VPS13C: variants seen among roughly 807,000 people sequenced by gnomAD.
VPS13C encodes the protein vacuolar protein sorting 13 homolog C.
In VPS13C, 358 loss-of-function variants were observed where a neutral mutation model predicts 456.8. The ratio of observed to expected loss-of-function variants is 0.78; its 90% CI spans 0.72 to 0.86. The LOEUF (loss-of-function observed/expected upper bound fraction) is 0.86. VPS13C is among the 40% of genes least tolerant of loss of function. The probability of loss-of-function intolerance (pLI) is 0.00; values close to 1 mark genes in which losing one functional copy is unlikely to be tolerated. For missense variants in VPS13C, 4,818 were observed against 4,385.4 expected, an observed-to-expected ratio of 1.10 and a Z score of -2.79; for synonymous variants, 1,578 against 1,486.7, an observed-to-expected ratio of 1.06 and a Z score of -1.41.
At chr15:61,981,300 C>A in intron 22 of VPS13C, 42 bp downstream of exon 22, 4 of 1,532,680 alleles carry the variant, frequency 2.6e-6, no homozygotes, top group South Asian at 1.3e-5. Context: ...AGCTAGCAAG[C>A]AGGTCAAAGA....
chr15:61,884,387 G>T, intron 67 of VPS13C, 118 bp from the exon 68 acceptor site: 1 of 1,092,962 alleles, frequency 9.1e-7, no homozygotes, highest in Non-Finnish European at 1.3e-6. Flanking sequence ...TGGTATAAGG[G>T]ACTTCTTAAA....
chr15:62,010,669 G>A, intron 12 of VPS13C, 70 bp from the exon 13 acceptor site: 2 of 1,391,170 alleles, frequency 1.4e-6, no homozygotes, highest in African/African-American at 1.5e-5. Context: ...AAATAATTAT[G>A]AGAACACTGT....
intron 1 of VPS13C, among the ~76,000 whole-genome samples, chr15:62,047,379 G>A (rs139690034): frequency 0.012 from 1,814 of 151,806 alleles, 39 homozygotes; most frequent in African/African-American, 0.042. Flanking sequence ...CAGAGGTTGC[G>A]GTGAGCTGAG....
chr15:62,014,636 A>G (rs1451064502), intron 9 of VPS13C, among the ~76,000 whole-genome samples: 2 of 152,192 alleles, frequency 1.3e-5, no homozygotes, highest in Admixed American at 6.6e-5. Flanking sequence ...TGTAGTTGTT[A>G]TAATAGCCAC....
chr15:61,881,967 T>C (rs1442656544), intron 69 of VPS13C, 139 bp from the exon 70 acceptor site: 1 of 770,550 alleles, frequency 1.3e-6, no homozygotes, highest in Non-Finnish European at 2.0e-6. Context: ...AGAAGTTTCA[T>C]TTTAAATCTG....
intron 20 of VPS13C, among the ~76,000 whole-genome samples, chr15:61,983,153 A>G (rs148154192): frequency 1.7e-3 from 254 of 152,266 alleles, no homozygotes; most frequent in African/African-American, 5.6e-3. Flanking sequence ...AAATATAAGG[A>G]GTTCTGCAGT....
chr15:62,004,318 G>A (rs1398995712), intron 15 of VPS13C, among the ~76,000 whole-genome samples: 1 of 151,882 alleles, frequency 6.6e-6, no homozygotes, highest in African/African-American at 2.4e-5. Flanking sequence ...AGAGGTGTTT[G>A]TAGTATTCTC....
Position 61,991,050 on chromosome 15 carries a change from T to A in VPS13C, c.1528A>T (p.Thr510Ser), listed in dbSNP as rs376533263. ...GTACTCTCACTATAACCAATGGCAG[T>A]GAAGAGTTTATCTTTTTCCTCTGGA... is the stretch of plus-strand genomic sequence containing the variant. The part of the protein sequence containing the change: ...MTPEEKDKLF[T>S]AIGYSESTHN... The change falls in exon 18 of 85, where the codon ACT (threonine) becomes TCT (serine). Residue 510 changes from threonine (T) to serine (S), a missense_variant. Thr to Ser is a moderately conservative substitution (Grantham distance 58, BLOSUM62 1). This residue lies in a region of VPS13C where 4,552 missense variants were observed against 4,130.6 expected (regional missense o/e 1.10). Transcript: ENST00000644861. 3.5e-5 allele frequency: 57 copies of A among 1,612,566 alleles called. No homozygotes were observed. The highest frequency in any genetic ancestry group is 4.6e-5 in the Non-Finnish European group (54 of 1,179,548).
chr15:61,903,524 G>A lies in VPS13C; in HGVS notation c.9105+3740C>T, dbSNP rs28828453. Among the ~76,000 whole-genome samples the A allele has an allele frequency of 9.6e-3, 1,462 of 152,052 alleles. 27 individuals are homozygous for A. The highest frequency in any genetic ancestry group is 0.034 in the African/African-American group (1,403 of 41,492). ...GAAATAGGACACCAAAAAATAGAAC[G>A]ATATCCCTTATTCATGGTTTATAAG... On this transcript the variant is annotated intron_variant, in intron 66 of 84. Coordinates refer to ENST00000644861, the MANE Select transcript of VPS13C (RefSeq NM_020821.3).
chr15:61,953,616 A>G (rs551249450), intron 38 of VPS13C, among the ~76,000 whole-genome samples: 62 of 151,796 alleles, frequency 4.1e-4, no homozygotes, highest in Middle Eastern at 6.8e-3. Context: ...TATGTGCCAC[A>G]TTTTCTTAAT....
In VPS13C at chr15:61,964,816, C is replaced by G; in HGVS notation, c.3097G>C (p.Val1033Leu). The G allele has an allele frequency of 4.3e-6, 7 of 1,611,106 alleles. No homozygotes were observed. Among genetic ancestry groups the G allele is most frequent in the Non-Finnish European group, 5.9e-6 (7 of 1,178,688 alleles). Residue 1033 changes from valine (V) to leucine (L), a missense_variant, in exon 31 of 85, where the codon GTC (valine) becomes CTC (leucine). This residue lies in a region of VPS13C where 4,552 missense variants were observed against 4,130.6 expected (regional missense o/e 1.10). Transcript: ENST00000644861. Reference protein sequence around the residue: ...LNLLLQTQALVASINYLTTII... With the variant: ...LNLLLQTQALLASINYLTTII... ...GTTGTGAGGTAATTAATAGAAGCGA[C>G]AAGAGCTTGTGTTTGCAGCAACAGA...
At position 61,910,281 on chromosome 15, in the gene VPS13C, A is replaced by G; in HGVS notation, c.8740T>C (p.Leu2914=). ...ACTCTCACACAAAGTTTGCCTGACA[A>G]ACTTTCTGGCCAAAATGGAAGGCAC... ...SECLPFWPES[L]SGKLCVRVVG... Residue 2914 remains leucine (L), a synonymous_variant, in exon 64 of 85, where the codon TTG becomes CTG. Transcript: ENST00000644861. 1 of 1,527,500 alleles carries G rather than the reference A, an allele frequency of 6.5e-7. No individual in the cohort carries two copies. Among genetic ancestry groups the G allele is most frequent in the Non-Finnish European group, 8.8e-7 (1 of 1,131,808 alleles). The allele number at this position is 1,527,500 out of a possible 1,614,324, so 94.6% of individuals were successfully genotyped here.
At position 61,867,769 on chromosome 15, in the gene VPS13C, T is replaced by C; in HGVS notation, c.10863+890A>G. The C allele has an allele frequency of 6.7e-7, 1 of 1,482,986 alleles. No individual in the cohort carries two copies. The highest frequency in any genetic ancestry group is 8.9e-7 in the Non-Finnish European group (1 of 1,120,502). The allele number at this position is 1,482,986 out of a possible 1,614,324, so 91.9% of individuals were successfully genotyped here. On this transcript the variant is annotated intron_variant, in intron 81 of 84. Coordinates refer to ENST00000644861, the MANE Select transcript of VPS13C (RefSeq NM_020821.3). This position sits in a 1 kb window ranked among gnomAD's most constrained non-coding sequence, Gnocchi z 5.0. ...ACCAGGAATACCACAAGTTTTTATT[T>C]GTAGTCAATCCCACTACTATGAAAA...
intron 81 of VPS13C, chr15:61,864,311 G>T: frequency 1.2e-6 from 1 of 850,508 alleles, no homozygotes; most frequent in Non-Finnish European, 1.4e-6. Flanking sequence ...ATAAGTAGTA[G>T]CACATTAAAA....
In VPS13C at chr15:61,984,011, C is replaced by A. The variant is rs935797380; in HGVS notation, c.1723G>T (p.Val575Leu). 49 of 1,608,814 alleles carry A rather than the reference C, an allele frequency of 3.0e-5. No homozygotes were observed. Among genetic ancestry groups the A allele is most frequent in the Non-Finnish European group, 3.7e-5 (44 of 1,177,212 alleles). The change falls in exon 20 of 85, where the codon GTA (valine) becomes TTA (leucine). Residue 575 changes from valine (V) to leucine (L), a missense_variant and splice_region_variant. By Grantham distance (32) the Val-to-Leu change is conservative. Around this residue, in one of 3 missense-constraint regions of VPS13C, gnomAD observed 4,552 missense variants for 4,130.6 expected, o/e 1.10. Coordinates refer to ENST00000644861, the MANE Select transcript of VPS13C (RefSeq NM_020821.3). ...SQRPGAQALK[V>L]EAKLEHWYIT... The stretch of plus-strand genomic sequence containing the variant: ...TACCAGTGTTCTAATTTCGCTTCTA[C>A]CCTATAATCCAATGAAGAACAAGGA...
rs752052238 is a variant in VPS13C, at chr15:61,964,816, CAA to C, written c.3095_3096del (p.Leu1032ArgfsTer5). The stretch of plus-strand genomic sequence containing the variant: ...GTTGTGAGGTAATTAATAGAAGCGA[CAA>C]GAGCTTGTGTTTGCAGCAACAGATT... ...SLNLLLQTQA[L>X]VASINYLTTI... On this transcript the variant is annotated frameshift_variant, in exon 31 of 85. Coordinates refer to ENST00000644861, the MANE Select transcript of VPS13C (RefSeq NM_020821.3). LOFTEE classifies it high-confidence loss of function. 6.2e-7 allele frequency: 1 copy of C among 1,610,988 alleles called. No individual in the cohort carries two copies. Among genetic ancestry groups the C allele is most frequent in the African/African-American group, 1.3e-5 (1 of 74,712 alleles).
chr15:61,931,284 G>T (rs1409065663), intron 49 of VPS13C, 25 bp from the exon 50 acceptor site: 14 of 1,591,674 alleles, frequency 8.8e-6, no homozygotes, highest in Non-Finnish European at 1.2e-5. Flanking sequence ...TCAAGCAAAA[G>T]AATCAATTAC....
chr15:61,892,498 A>G (rs1163731001), intron 66 of VPS13C, among the ~76,000 whole-genome samples: 1 of 152,182 alleles, frequency 6.6e-6, no homozygotes, highest in African/African-American at 2.4e-5. Context: ...ACTGCAAAGG[A>G]CCTCTAAGCA....
rs1174498122 is a variant in VPS13C at position 61,920,068 on chromosome 15, A to T, written c.7476T>A (p.Ile2492=). Residue 2492 remains isoleucine (I), a splice_region_variant and synonymous_variant, in exon 57 of 85, where the codon ATT becomes ATA. Coordinates refer to ENST00000644861, the MANE Select transcript of VPS13C (RefSeq NM_020821.3). ...RQESSFFTLT[I]VPHGYTEVAN... is the part of the protein sequence containing the mutation. ...TTAAGGAAAACAAATATAGCCTACC[A>T]ATGGTCAGAGTGAAGAAGGAGCTTT... 1 of 1,596,640 alleles carries T rather than the reference A, an allele frequency of 6.3e-7. No individual in the cohort carries two copies. The highest frequency in any genetic ancestry group is 8.6e-7 in the Non-Finnish European group (1 of 1,168,322).
Sources: allele counts gnomAD v4.1 joint callset (sites outside exome capture counted in the v4.1 genomes callset), GRCh38; gene constraint gnomAD v4.1.1; regional missense constraint gnomAD v4.1.1; non-coding constraint Gnocchi (gnomAD v3.1); transcripts MANE v1.5; gene names NCBI Gene and HGNC (gene_info 2026-07-23, HGNC 2026-07-21).